Variants in BCL2 observed in about 807,000 individuals in gnomAD.
BCL2 encodes the protein BCL2 apoptosis regulator.
BCL2 carries 1 observed loss-of-function variant against 14.2 expected under a neutral mutation model. The ratio of observed to expected loss-of-function variants is 0.07; its 90% CI spans 0.02 to 0.33. The LOEUF is 0.33. Among genes scored for constraint, BCL2 ranks in the 10% least tolerant of loss-of-function variants. The pLI is 0.99. For synonymous variants in BCL2, 151 were observed against 137.2 expected (o/e 1.10, Z -0.70); for missense variants, 247 against 305.9 (o/e 0.81, Z 1.44).
Position 63,319,516 on chromosome 18 carries a change from T to C in BCL2, c.-629A>G. ...GTGATGTTTTCCCCTTCTCGGCAATTTACACGCGCGCACACACGCGCGGGC... is the reference window on the plus strand; with the variant it reads ...GTGATGTTTTCCCCTTCTCGGCAATCTACACGCGCGCACACACGCGCGGGC... On this transcript the variant is annotated 5_prime_UTR_variant, in exon 1 of 3. Coordinates refer to ENST00000333681, the MANE Select transcript of BCL2 (RefSeq NM_000633.3). 4.4e-6 allele frequency: 1 copy of C among 228,980 alleles called. No homozygotes were observed. Among genetic ancestry groups the C allele is most frequent in the Non-Finnish European group, 8.7e-6 (1 of 115,452 alleles). 14.2% of individuals were successfully genotyped at this position (228,980 alleles called of 1,614,324 possible). A position where few individuals can be genotyped will look rare whatever the true frequency, so the allele number is the denominator to read the frequency against.
At chr18:63,302,769 C>T (rs1913005149) in intron 2 of BCL2, 16 of 985,320 alleles carry the variant, frequency 1.6e-5, no homozygotes, top group Non-Finnish European at 1.9e-5. Context: ...CAGAATTTCG[C>T]GTTTAAGTTT....
At chr18:63,175,651 A>G (rs1025944215) in intron 2 of BCL2, among the ~76,000 whole-genome samples, 3 of 152,226 alleles carry the variant, frequency 2.0e-5, no homozygotes, top group Non-Finnish European at 4.4e-5. Context: ...GATAGAGAGG[A>G]GATTCAAAGT....
chr18:63,183,219 A>G (rs1159389409), intron 2 of BCL2, among the ~76,000 whole-genome samples: 2 of 152,220 alleles, frequency 1.3e-5, no homozygotes, highest in Non-Finnish European at 2.9e-5. Flanking sequence ...GCAAGCCACC[A>G]GAGAGGGCAG....
At chr18:63,144,991 CAA>C (rs1555695864) in intron 2 of BCL2, among the ~76,000 whole-genome samples, 1 of 152,204 alleles carries the variant, frequency 6.6e-6, no homozygotes, top group Non-Finnish European at 1.5e-5. Flanking sequence ...CGTGCCATCT[CAA>C]GAGTATTTTA....
rs1911254247 is a variant in BCL2 at position 63,249,763 on chromosome 18, C to A, written c.585+68319G>T. Among the ~76,000 whole-genome samples the A allele has an allele frequency of 2.2e-5, 3 of 139,180 alleles. 1 individual carries two copies. In the Middle Eastern group the frequency reaches 0.013, roughly 580 times the overall value. 91.3% of individuals were successfully genotyped at this position (139,180 alleles called of 152,430 possible). A position where few individuals can be genotyped will look rare whatever the true frequency, so the allele number is the denominator to read the frequency against. On this transcript the variant is annotated intron_variant, in intron 2 of 2. Coordinates refer to ENST00000333681, the MANE Select transcript of BCL2 (RefSeq NM_000633.3). Reference sequence around the variant, plus strand: ...GCTCTGAATTTAACAGAGGAGTTAACCAAGACCCCCAGGGTGAAGGGACAT... The same window carrying A: ...GCTCTGAATTTAACAGAGGAGTTAAACAAGACCCCCAGGGTGAAGGGACAT...
intron 2 of BCL2, among the ~76,000 whole-genome samples, chr18:63,245,852 A>G (rs1357034166): frequency 6.6e-6 from 1 of 152,234 alleles, no homozygotes; most frequent in Non-Finnish European, 1.5e-5. Context: ...TGAGAAAGTT[A>G]CTGCCTATAA....
chr18:63,232,053 C>T (rs937051071), intron 2 of BCL2, among the ~76,000 whole-genome samples: 5 of 151,694 alleles, frequency 3.3e-5, no homozygotes, highest in African/African-American at 1.2e-4. Flanking sequence ...GATAGCATTA[C>T]AAACTATGGG....
intron 2 of BCL2, among the ~76,000 whole-genome samples, chr18:63,275,263 G>C (rs535838137): frequency 6.6e-6 from 1 of 151,342 alleles, no homozygotes; most frequent in East Asian, 1.9e-4. Context: ...AATAATTTTC[G>C]ATCAAGGTTT....
chr18:63,125,722 T>G lies in BCL2; in HGVS notation c.*2903A>C. The G allele has an allele frequency of 4.7e-6, 1 of 214,144 alleles. No homozygotes were observed. 13.3% of individuals were successfully genotyped at this position (214,144 alleles called of 1,614,324 possible). On this transcript the variant is annotated 3_prime_UTR_variant, in exon 3 of 3. Transcript: ENST00000333681. ...AAAATGACTAGTTGAGGCTTTTATATACATTCATTGCTTCTAACATGTTTT... is the reference window on the plus strand; with the variant it reads ...AAAATGACTAGTTGAGGCTTTTATAGACATTCATTGCTTCTAACATGTTTT...
chr18:63,218,343 C>T (rs536692482), intron 2 of BCL2, among the ~76,000 whole-genome samples: 55 of 152,190 alleles, frequency 3.6e-4, no homozygotes, highest in Admixed American at 2.2e-3. Context: ...CCCACCAGAT[C>T]TCCTAAAACC....
chr18:63,285,440 A>G (rs2144260575), intron 2 of BCL2, among the ~76,000 whole-genome samples: 1 of 152,308 alleles, frequency 6.6e-6, no homozygotes. Flanking sequence ...GATGCTCCCA[A>G]CATCTCCCCA....
At chr18:63,173,920 A>T (rs1006529343) in intron 2 of BCL2, among the ~76,000 whole-genome samples, 1 of 152,224 alleles carries the variant, frequency 6.6e-6, no homozygotes, top group African/African-American at 2.4e-5. Flanking sequence ...TGAGAAAAAC[A>T]TAATAAGAAT....
chr18:63,134,789 G>C (rs998490287), intron 2 of BCL2, among the ~76,000 whole-genome samples: 8 of 152,108 alleles, frequency 5.3e-5, no homozygotes, highest in African/African-American at 1.9e-4. Flanking sequence ...GAGTCTCATC[G>C]GCAGTAAGAA....
chr18:63,281,481 A>G (rs1912306145), intron 2 of BCL2, among the ~76,000 whole-genome samples: 2 of 152,058 alleles, frequency 1.3e-5, no homozygotes, highest in Non-Finnish European at 2.9e-5. Flanking sequence ...CCTGGGTAAC[A>G]CAGTGAGACC....
chr18:63,305,079 C>T lies in BCL2; in HGVS notation c.585+13003G>A, dbSNP rs554406693. Reference sequence around the variant, plus strand: ...AAGCCCGCCTGGCTCATAAGCGCATCCTCACAGGGTCTTGAGCTGATGGTA... The same window carrying T: ...AAGCCCGCCTGGCTCATAAGCGCATTCTCACAGGGTCTTGAGCTGATGGTA... On this transcript the variant is annotated intron_variant, in intron 2 of 2. Transcript: ENST00000333681. Among the ~76,000 whole-genome samples, 59 of 152,300 alleles carry T rather than the reference C, an allele frequency of 3.9e-4. 1 individual carries two copies. The highest frequency in any genetic ancestry group is 1.4e-3 in the African/African-American group (58 of 41,548).
At chr18:63,197,262 C>T (rs1019625998) in intron 2 of BCL2, among the ~76,000 whole-genome samples, 3 of 152,190 alleles carry the variant, frequency 2.0e-5, no homozygotes, top group African/African-American at 7.2e-5. Flanking sequence ...TGTGTGACCA[C>T]TGACAAATCG....
intron 2 of BCL2, among the ~76,000 whole-genome samples, chr18:63,168,081 T>C (rs991861056): frequency 1.3e-5 from 2 of 151,698 alleles, no homozygotes; most frequent in Non-Finnish European, 2.9e-5. Flanking sequence ...AACAACAACA[T>C]GATTGTTGCC....
At chr18:63,181,237 A>T (rs1915474877) in intron 2 of BCL2, among the ~76,000 whole-genome samples, 1 of 152,212 alleles carries the variant, frequency 6.6e-6, no homozygotes, top group South Asian at 2.1e-4. Flanking sequence ...GGTGGAACCT[A>T]GCCAAAATTA....
At chr18:63,247,121 T>C (rs897218303) in intron 2 of BCL2, among the ~76,000 whole-genome samples, 5 of 151,996 alleles carry the variant, frequency 3.3e-5, no homozygotes, top group Non-Finnish European at 7.3e-5. Context: ...GGCAGGTAGA[T>C]AGATGGGGAG....
Sources: allele counts gnomAD v4.1 joint callset (sites outside exome capture counted in the v4.1 genomes callset), GRCh38; gene constraint gnomAD v4.1.1; transcripts MANE v1.5; gene names NCBI Gene and HGNC (gene_info 2026-07-23, HGNC 2026-07-21).